Variants in ENO4 observed in about 807,000 individuals in gnomAD.
ENO4 encodes 2-phospho-D-glycerate hydro-lyase.
Under a neutral mutation model 63.2 loss-of-function variants are expected in ENO4, and 53 were observed. The ratio of observed to expected loss-of-function variants is 0.84; its 90% CI spans 0.67 to 1.05. The LOEUF (loss-of-function observed/expected upper bound fraction) is 1.05, where lower values mean the gene tolerates loss of function less well. Among genes scored for constraint, ENO4 ranks in the 50% least tolerant of loss-of-function variants. ENO4 has a pLI of 0.00. For missense variants in ENO4, 719 were observed against 772.0 expected, an observed-to-expected ratio of 0.93 and a Z score of 0.81; for synonymous variants, 266 against 283.8, an observed-to-expected ratio of 0.94 and a Z score of 0.63.
chr10:116,893,787 T>G (rs1019306608), intron 10 of ENO4, among the ~76,000 whole-genome samples: 2 of 152,194 alleles, frequency 1.3e-5, no homozygotes, highest in African/African-American at 4.8e-5. Flanking sequence ...CCAGCTGAGA[T>G]AATTAGTTTG....
Position 116,859,093 on chromosome 10 carries a change from C to T in ENO4, c.589C>T (p.Pro197Ser), listed in dbSNP as rs1391724786. 8.5e-6 allele frequency: 13 copies of T among 1,532,920 alleles called. No homozygotes were observed. Among genetic ancestry groups the T allele is most frequent in the Non-Finnish European group, 1.1e-5 (13 of 1,144,652 alleles). 95.0% of individuals were successfully genotyped at this position (1,532,920 alleles called of 1,614,324 possible). A position where few individuals can be genotyped will look rare whatever the true frequency, so the allele number is the denominator to read the frequency against. Residue 197 changes from proline to serine, a missense_variant, in exon 4 of 14, where the codon CCA (proline) becomes TCA (serine). Transcript: ENST00000341276. ...TACACCTCTACCTCCAGTACCACCA[C>T]CACCACCCCCTCCACCTCCTACCAA... ...VPTPLPPVPP[P>S]PPPPPPTKKK...
intron 10 of ENO4, among the ~76,000 whole-genome samples, chr10:116,910,395 T>G (rs561369618): frequency 6.6e-6 from 1 of 152,338 alleles, no homozygotes; most frequent in Admixed American, 6.5e-5. Context: ...TCTTAAAATT[T>G]TTTATAACTT....
At position 116,904,839 on chromosome 10, in the gene ENO4, A is replaced by G. The variant is rs187512281; in HGVS notation, c.1195-6660A>G. Among the ~76,000 whole-genome samples the G allele has an allele frequency of 1.3e-3, 193 of 152,348 alleles. 1 individual carries two copies. Among genetic ancestry groups the G allele is most frequent in the African/African-American group, 4.3e-3 (180 of 41,584 alleles). On this transcript the variant is annotated intron_variant, in intron 10 of 10. Coordinates refer to the ENO4 transcript ENST00000369207. ...GTAACAATGTTTCTGGAGAAACGAA[A>G]AAGCCAGTGGCAAAACACAAAATGT...
At chr10:116,859,657 G>A (rs556251362) in intron 4 of ENO4, among the ~76,000 whole-genome samples, 4 of 152,276 alleles carry the variant, frequency 2.6e-5, no homozygotes, top group Admixed American at 2.0e-4. Context: ...CTGCAGTACT[G>A]TTCATTCTGG....
At chr10:116,892,191 T>C (rs1005290892) in intron 10 of ENO4, among the ~76,000 whole-genome samples, 5 of 152,188 alleles carry the variant, frequency 3.3e-5, no homozygotes, top group African/African-American at 1.2e-4. Context: ...AATGCAATGC[T>C]AGGGAGCCTT....
chr10:116,858,851 A>G, intron 3 of ENO4, 139 bp from the exon 4 acceptor site: 2 of 466,510 alleles, frequency 4.3e-6, no homozygotes, highest in Non-Finnish European at 7.4e-6. Context: ...GGCTTTGAAA[A>G]TTAAAGTTGA....
chr10:116,905,125 C>G (rs1847914742), intron 10 of ENO4, among the ~76,000 whole-genome samples: 1 of 150,872 alleles, frequency 6.6e-6, no homozygotes, highest in Non-Finnish European at 1.5e-5. Context: ...GGCGTTGAAC[C>G]CGGGAAGCGG....
chr10:116,877,190 G>C (rs2133279155), intron 11 of ENO4, among the ~76,000 whole-genome samples: 1 of 152,188 alleles, frequency 6.6e-6, no homozygotes, highest in South Asian at 2.1e-4. Context: ...TGTGTAGCCT[G>C]CATCACATTA....
chr10:116,894,629 AGTTCCCTTTC>A (rs1357156011), intron 10 of ENO4, among the ~76,000 whole-genome samples: 3 of 152,254 alleles, frequency 2.0e-5, no homozygotes, highest in Non-Finnish European at 4.4e-5. Flanking sequence ...ATGGAACAGG[AGTTCCCTTTC>A]GAAGGGCTTC....
intron 1 of ENO4, among the ~76,000 whole-genome samples, chr10:116,851,680 G>T (rs978149384): frequency 1.3e-5 from 2 of 152,066 alleles, no homozygotes; most frequent in Non-Finnish European, 1.5e-5. Context: ...TGGCTTTCCC[G>T]TGCTTGCTGG....
chr10:116,874,934 A>G (rs1174865631), intron 10 of ENO4, among the ~76,000 whole-genome samples: 1 of 152,122 alleles, frequency 6.6e-6, no homozygotes, highest in Admixed American at 6.5e-5. Flanking sequence ...TTGGCCTCCC[A>G]AAGTGCTAGA....
At chr10:116,866,225 CT>C (rs112241821) in intron 7 of ENO4, among the ~76,000 whole-genome samples, 156 of 152,332 alleles carry the variant, frequency 1.0e-3, no homozygotes, top group Middle Eastern at 3.4e-3. Flanking sequence ...TTTCTGTTGA[CT>C]TTCCATGTGG....
intron 9 of ENO4, 164 bp from the exon 10 acceptor site, chr10:116,873,912 T>C (rs1846763838): frequency 3.1e-6 from 3 of 980,196 alleles, no homozygotes; most frequent in African/African-American, 1.8e-5. Flanking sequence ...ATATTTAAGA[T>C]ATTTAAAGTA....
chr10:116,890,025 C>T (rs760436352), intron 10 of ENO4, among the ~76,000 whole-genome samples: 2 of 152,116 alleles, frequency 1.3e-5, no homozygotes, highest in Non-Finnish European at 2.9e-5. Flanking sequence ...GTGATGGTGC[C>T]AAGAACCCAA....
intron 1 of ENO4, among the ~76,000 whole-genome samples, chr10:116,854,057 GCTTT>G (rs1220964860): frequency 3.3e-5 from 5 of 152,104 alleles, no homozygotes; most frequent in Non-Finnish European, 7.4e-5. Flanking sequence ...TCTCGAGTGG[GCTTT>G]CTATCTCAGC....
At chr10:116,900,621 G>A in intron 10 of ENO4, 1 of 1,524,732 alleles carries the variant, frequency 6.6e-7, no homozygotes, top group East Asian at 2.5e-5. Context: ...CAGCCAAATT[G>A]CTTTTGTGTC....
intron 6 of ENO4, 52 bp from the exon 7 acceptor site, chr10:116,862,747 C>T (rs1846449238): frequency 5.0e-6 from 7 of 1,404,222 alleles, no homozygotes; most frequent in African/African-American, 2.9e-5. Flanking sequence ...AGTTTTTATA[C>T]TTAAATTTTC....
intron 10 of ENO4, among the ~76,000 whole-genome samples, chr10:116,902,296 C>G (rs913502207): frequency 1.3e-5 from 2 of 152,154 alleles, no homozygotes; most frequent in Non-Finnish European, 2.9e-5. Flanking sequence ...CAGCCCTACT[C>G]GAACCATTTC....
At chr10:116,851,719 GC>G (rs1684118655) in intron 1 of ENO4, among the ~76,000 whole-genome samples, 1 of 152,076 alleles carries the variant, frequency 6.6e-6, no homozygotes, top group Non-Finnish European at 1.5e-5. Flanking sequence ...ACAGTGCTCA[GC>G]CCCTCCCTCT....
Sources: allele counts gnomAD v4.1 joint callset (sites outside exome capture counted in the v4.1 genomes callset), GRCh38; gene constraint gnomAD v4.1.1; transcripts MANE v1.5; gene names NCBI Gene and HGNC (gene_info 2026-07-23, HGNC 2026-07-21).